The following UGP2 variants were observed in gnomAD, a reference collection of about 807,000 sequenced individuals.
UGP2 encodes UDP-glucose pyrophosphorylase 2.
UGP2 carries 40 observed loss-of-function variants against 49.0 expected under a neutral mutation model. The ratio of observed to expected loss-of-function variants is 0.82; its 90% CI spans 0.63 to 1.06. The LOEUF is 1.06. UGP2 is among the 50% of genes least tolerant of loss of function. The pLI is 0.00. For missense variants in UGP2, 460 were observed against 603.5 expected, an observed-to-expected ratio of 0.76 and a Z score of 2.49; for synonymous variants, 225 against 213.0, an observed-to-expected ratio of 1.06 and a Z score of -0.49.
chr2:63,870,966 C>A (rs1242977413), intron 3 of UGP2, among the ~76,000 whole-genome samples: 2 of 152,162 alleles, frequency 1.3e-5, no homozygotes, highest in Non-Finnish European at 1.5e-5. Context: ...CCATTTGGTT[C>A]TTGAACTCCT....
intron 2 of UGP2, 32 bp downstream of exon 2, chr2:63,856,465 C>T (rs752568650): frequency 3.8e-6 from 6 of 1,590,092 alleles, no homozygotes; most frequent in South Asian, 1.1e-5. Context: ...TCCACCCCCC[C>T]GCCCCTCCCT....
chr2:63,856,541 A>T, intron 2 of UGP2, 108 bp downstream of exon 2: 1 of 1,310,710 alleles, frequency 7.6e-7, no homozygotes, highest in Non-Finnish European at 1.0e-6. Context: ...TCAGCACAAG[A>T]TGTACGATAA....
rs148837188 is a variant in UGP2 at position 63,879,762 on chromosome 2, G to A, written c.256-2704G>A. 5.1e-4 allele frequency among the ~76,000 whole-genome samples: 78 copies of A among 152,196 alleles called. No individual in the cohort carries two copies. The East Asian group carries it at 7.5e-3, about 15-fold the overall frequency. On this transcript the variant is annotated intron_variant, in intron 3 of 9. Transcript: ENST00000337130. ...ATATTTTATAAACTTTTATGTATGC[G>A]ATGTACCACAATTAAAAATTTTAGG... is the stretch of plus-strand genomic sequence containing the variant.
intron 1 of UGP2, chr2:63,855,921 A>G (rs748589526): frequency 9.3e-6 from 2 of 215,268 alleles, no homozygotes; most frequent in Non-Finnish European, 1.9e-5. Flanking sequence ...TCCATCTGTC[A>G]CAGAAGTGCC....
intron 1 of UGP2, among the ~76,000 whole-genome samples, chr2:63,843,966 G>A (rs1318735464): frequency 6.6e-6 from 1 of 152,132 alleles, no homozygotes; most frequent in Non-Finnish European, 1.5e-5. Flanking sequence ...AACAATCATA[G>A]TGCACTACAG....
chr2:63,845,515 AT>A (rs1671865243), intron 1 of UGP2, among the ~76,000 whole-genome samples: 1 of 122,800 alleles, frequency 8.1e-6, no homozygotes, highest in Non-Finnish European at 1.8e-5. Flanking sequence ...AGGTGTTATT[AT>A]GTTAAAAAAA....
intron 1 of UGP2, among the ~76,000 whole-genome samples, chr2:63,842,795 A>G (rs1162870986): frequency 6.6e-6 from 1 of 152,184 alleles, no homozygotes; most frequent in African/African-American, 2.4e-5. Context: ...CTATGAAAAG[A>G]TGATTAAGGT....
At chr2:63,854,672 A>G (rs1392334036) in intron 1 of UGP2, among the ~76,000 whole-genome samples, 1 of 152,184 alleles carries the variant, frequency 6.6e-6, no homozygotes, top group Non-Finnish European at 1.5e-5. Context: ...GCCCTTCCTG[A>G]TTCTTTAATC....
intron 3 of UGP2, among the ~76,000 whole-genome samples, chr2:63,872,399 A>G (rs1282698892): frequency 6.6e-6 from 1 of 152,214 alleles, no homozygotes; most frequent in Non-Finnish European, 1.5e-5. Context: ...GTGAAGTAGT[A>G]ATAATATCAG....
intron 1 of UGP2, among the ~76,000 whole-genome samples, chr2:63,846,345 A>C (rs1671930063): frequency 6.6e-6 from 1 of 152,162 alleles, no homozygotes; most frequent in African/African-American, 2.4e-5. Flanking sequence ...AATCACTCTA[A>C]ATGTTTTGAA....
intron 3 of UGP2, among the ~76,000 whole-genome samples, chr2:63,861,160 A>C (rs956940045): frequency 2.6e-5 from 4 of 151,994 alleles, no homozygotes; most frequent in Non-Finnish European, 2.9e-5. Flanking sequence ...ATAAGTAAAA[A>C]AATTTTTATA....
At chr2:63,865,664 G>A (rs1289073380) in intron 3 of UGP2, among the ~76,000 whole-genome samples, 2 of 151,108 alleles carry the variant, frequency 1.3e-5, no homozygotes, top group East Asian at 1.9e-4. Flanking sequence ...TCGACCTCTT[G>A]AGTAGCAGGG....
At position 63,857,901 on chromosome 2, in the gene UGP2, G is replaced by C; in HGVS notation, c.220G>C (p.Asp74His). ...RFLQEKGPSVDWGKIQRPPED... is the reference protein window; with the variant it reads ...RFLQEKGPSVHWGKIQRPPED... The stretch of plus-strand genomic sequence containing the variant: ...TTTGCAAGAAAAGGGGCCTTCTGTG[G>C]ATTGGGGAAAAATCCAGAGACCCCC... Residue 74 changes from aspartate to histidine, a missense_variant, in exon 3 of 10, where the codon GAT becomes CAT. Asp to His is a moderately conservative substitution (Grantham distance 81). Transcript: ENST00000337130. 3.1e-6 allele frequency: 5 copies of C among 1,614,122 alleles called. No homozygotes were observed. Among genetic ancestry groups the C allele is most frequent in the Non-Finnish European group, 3.4e-6 (4 of 1,179,990 alleles).
rs182834584 is a variant in UGP2, at chr2:63,853,885, G to A, written c.20-2421G>A. On this transcript the variant is annotated intron_variant, in intron 1 of 9. Transcript: ENST00000337130. ...GGAAAGGAGGAACTTGTGAAAAAAA[G>A]TTATTGCCTGTTCTATCTGAAATTG... is the stretch of plus-strand genomic sequence containing the variant. Among the ~76,000 whole-genome samples the A allele has an allele frequency of 7.9e-5, 12 of 152,304 alleles. No homozygotes were observed. The East Asian group carries it at 2.1e-3, about 27-fold the overall frequency.
chr2:63,849,072 C>G (rs1668869319), intron 1 of UGP2, among the ~76,000 whole-genome samples: 1 of 152,146 alleles, frequency 6.6e-6, no homozygotes, highest in Non-Finnish European at 1.5e-5. Flanking sequence ...TTTCCGTAAA[C>G]ATTTTTAGAT....
chr2:63,852,189 A>T (rs570164791), intron 1 of UGP2, among the ~76,000 whole-genome samples: 2 of 152,344 alleles, frequency 1.3e-5, no homozygotes, highest in African/African-American at 2.4e-5. Flanking sequence ...AGCAAGAAGG[A>T]TGAAGAATAT....
intron 1 of UGP2, among the ~76,000 whole-genome samples, chr2:63,854,073 A>G (rs1669219899): frequency 6.6e-6 from 1 of 152,216 alleles, no homozygotes; most frequent in African/African-American, 2.4e-5. Flanking sequence ...AAAAAACATT[A>G]GCAAGGTATT....
At chr2:63,864,932 A>C (rs1391026692) in intron 3 of UGP2, among the ~76,000 whole-genome samples, 1 of 152,228 alleles carries the variant, frequency 6.6e-6, no homozygotes, top group East Asian at 1.9e-4. Context: ...ACAGAGCTCT[A>C]TTCTAGTGGG....
chr2:63,846,387 C>T (rs1230340809), intron 1 of UGP2, among the ~76,000 whole-genome samples: 1 of 152,002 alleles, frequency 6.6e-6, no homozygotes, highest in Non-Finnish European at 1.5e-5. Context: ...GTAATGTTGT[C>T]TAGCCAGCTA....
Sources: allele counts gnomAD v4.1 joint callset (sites outside exome capture counted in the v4.1 genomes callset), GRCh38; gene constraint gnomAD v4.1.1; transcripts MANE v1.5; gene names NCBI Gene and HGNC (gene_info 2026-07-23, HGNC 2026-07-21).